The following FRY variants were observed in gnomAD, a reference collection of about 807,000 sequenced individuals.
The protein encoded by FRY is protein furry homolog.
In FRY, 128 loss-of-function variants were observed where a neutral mutation model predicts 348.4. The observed-to-expected ratio is 0.37, with a 90% confidence interval of 0.32 to 0.43. FRY has a LOEUF of 0.43. Among genes scored for constraint, FRY ranks in the 20% least tolerant of loss-of-function variants. The pLI is 1.00. For missense variants in FRY, 2,736 were observed against 3,695.2 expected (o/e 0.74, Z 6.73); for synonymous variants, 1,370 against 1,374.7 (o/e 1.00, Z 0.08).
chr13:32,280,706 A>G lies in FRY; in HGVS notation c.8469+2158A>G, dbSNP rs1363769461. Reference sequence around the variant, plus strand: ...CATCAAATTCTGTTATATTCTCTGTAACAGAACTTCAGACAGGAAAGCACA... The same window carrying G: ...CATCAAATTCTGTTATATTCTCTGTGACAGAACTTCAGACAGGAAAGCACA... On this transcript the variant is annotated intron_variant, in intron 58 of 60. Transcript: ENST00000542859. Among the ~76,000 whole-genome samples the G allele has an allele frequency of 2.0e-5, 3 of 152,268 alleles. No homozygotes were observed. In the East Asian group the frequency reaches 5.8e-4, roughly 29 times the overall value.
chr13:32,260,028 G>T (rs963396217), intron 51 of FRY, among the ~76,000 whole-genome samples: 1 of 152,124 alleles, frequency 6.6e-6, no homozygotes, highest in African/African-American at 2.4e-5. Flanking sequence ...TTGTGCTTAG[G>T]ATTTGTGCCT....
rs1885508515 is a variant in FRY at position 32,225,032 on chromosome 13, C to T, written c.5016C>T (p.Phe1672=). The change falls in exon 38 of 61, where the codon TTC becomes TTT. Residue 1672 remains phenylalanine, a synonymous_variant. Transcript: ENST00000542859. ...TACCATTATTACTTCATGCTGTCTT[C>T]TTAGGTAAGACTGGATCTAAAAGGC... ...LHLPLLLHAV[F]LGLDHYRPEV... The T allele has an allele frequency of 1.3e-5, 21 of 1,568,094 alleles. No individual in the cohort carries two copies. Among genetic ancestry groups the T allele is most frequent in the Non-Finnish European group, 1.8e-5 (21 of 1,137,912 alleles).
intron 26 of FRY, 111 bp downstream of exon 26, chr13:32,185,259 G>T (rs952920673): frequency 5.5e-6 from 5 of 904,766 alleles, no homozygotes; most frequent in Admixed American, 5.4e-5. Flanking sequence ...GGTCTGGGAT[G>T]GTGAAGTTTA....
rs759311059 is a variant in FRY at position 32,175,581 on chromosome 13, G to A, written c.2370G>A (p.Gln790=). ...DDRPMIDVMD[Q]LSSSILESFI... is the part of the protein sequence containing the mutation. ...GGCCGATGATTGATGTCATGGATCA[G>A]CTAAGTTCTTCCATTCTAGAAAGTT... Residue 790 remains glutamine, a synonymous_variant, in exon 20 of 61, where the codon CAG becomes CAA. Transcript: ENST00000542859. 2 of 1,612,318 alleles carry A rather than the reference G, an allele frequency of 1.2e-6. No individual in the cohort carries two copies. Among genetic ancestry groups the A allele is most frequent in the Admixed American group, 3.3e-5 (2 of 60,014 alleles).
intron 56 of FRY, chr13:32,275,218 A>C: frequency 3.2e-6 from 1 of 312,678 alleles, no homozygotes; most frequent in Non-Finnish European, 6.2e-6. Flanking sequence ...ATCTATTAAA[A>C]ATACAAAAAA....
intron 41 of FRY, among the ~76,000 whole-genome samples, chr13:32,233,953 A>G (rs973293711): frequency 6.6e-6 from 1 of 152,118 alleles, no homozygotes. Context: ...TTTTTCTACT[A>G]CACTATACCT....
rs757036760 is a variant in FRY, at chr13:32,239,377, A to G, written c.6516+28A>G. On this transcript the variant is annotated intron_variant, in intron 45 of 60. Transcript: ENST00000542859. The surrounding 1 kb of genome is among the most constrained non-coding windows in gnomAD (Gnocchi z 4.3). ...ATGAGTTACAGTTCCACACTCAGGC[A>G]GATCCATAGAGGCCTTCAGGACGCC... The G allele has an allele frequency of 1.5e-6, 2 of 1,316,218 alleles. No individual in the cohort carries two copies. Among genetic ancestry groups the G allele is most frequent in the Non-Finnish European group, 2.2e-6 (2 of 907,908 alleles). The allele number at this position is 1,316,218 out of a possible 1,614,324, so 81.5% of individuals were successfully genotyped here.
At position 32,237,133 on chromosome 13, in the gene FRY, A is replaced by G. The variant is rs1000502726; in HGVS notation, c.5811-246A>G. ...ATAAATGAAATATCAGTAAACTTTA[A>G]GGCCAATTATTGATTCCTCTACATT... On this transcript the variant is annotated intron_variant, in intron 43 of 60. Transcript: ENST00000542859. The surrounding 1 kb of genome is among the most constrained non-coding windows in gnomAD (Gnocchi z 6.3). Among the ~76,000 whole-genome samples the G allele has an allele frequency of 9.8e-5, 15 of 152,310 alleles. No homozygotes were observed. The highest frequency in any genetic ancestry group is 3.6e-4 in the African/African-American group (15 of 41,572).
intron 35 of FRY, among the ~76,000 whole-genome samples, chr13:32,213,433 C>T (rs886623648): frequency 2.0e-5 from 3 of 152,184 alleles, no homozygotes; most frequent in Admixed American, 2.0e-4. Context: ...GACTAAAAGC[C>T]CAAACCCAGC....
intron 3 of FRY, among the ~76,000 whole-genome samples, chr13:32,105,025 G>A (rs1877445033): frequency 6.6e-6 from 1 of 152,156 alleles, no homozygotes; most frequent in South Asian, 2.1e-4. Flanking sequence ...CTAATATAAA[G>A]CCATAGAGAA....
chr13:32,245,051 G>A (rs893544246), intron 47 of FRY, among the ~76,000 whole-genome samples: 1 of 152,110 alleles, frequency 6.6e-6, no homozygotes, highest in African/African-American at 2.4e-5. Context: ...CCGGGTTCAA[G>A]CGATCCTTCT....
intron 58 of FRY, among the ~76,000 whole-genome samples, chr13:32,282,503 C>T (rs1366224351): frequency 6.6e-6 from 1 of 152,202 alleles, no homozygotes; most frequent in African/African-American, 2.4e-5. Context: ...AGATATCAGT[C>T]TGTCAGAGAT....
chr13:32,225,956 C>T lies in FRY; in HGVS notation c.5188C>T (p.Pro1730Ser), dbSNP rs199741828. Residue 1730 changes from proline to serine, a missense_variant, in exon 39 of 61, where the codon CCT becomes TCT. By Grantham distance (74) the Pro-to-Ser change is moderately conservative (BLOSUM62 -1). Transcript: ENST00000542859. ...TCTAACCGTGCAGCCAGCCTACCAA[C>T]CTGAATATCTCTATACAGGTAACAG... ...KTLTVQPAYQ[P>S]EYLYTGGFDF... The T allele has an allele frequency of 2.0e-5, 33 of 1,613,928 alleles. No individual in the cohort carries two copies. The Admixed American group carries it at 5.2e-4, about 25-fold the overall frequency.
rs1386155854 is a variant in FRY, at chr13:32,134,846, AT to A, written c.886-56del. On this transcript the variant is annotated intron_variant, in intron 8 of 60. Coordinates refer to ENST00000542859, the MANE Select transcript of FRY (RefSeq NM_023037.3). The stretch of plus-strand genomic sequence containing the variant: ...TACTTACTGAAACTTGTTTAAATAC[AT>A]TCTATGTGTACATTTCAACCTACTC... The A allele has an allele frequency of 3.9e-6, 4 of 1,015,296 alleles. No individual in the cohort carries two copies. The African/African-American group carries it at 6.3e-5, about 16-fold the overall frequency. 62.9% of individuals were successfully genotyped at this position (1,015,296 alleles called of 1,614,324 possible).
chr13:32,190,181 A>C (rs1883257507), intron 28 of FRY, among the ~76,000 whole-genome samples: 1 of 151,844 alleles, frequency 6.6e-6, no homozygotes, highest in Admixed American at 6.6e-5. Flanking sequence ...AAAAAAAAAC[A>C]CCCTATGAGC....
At chr13:32,116,703 C>G (rs1878323317) in intron 3 of FRY, among the ~76,000 whole-genome samples, 3 of 152,034 alleles carry the variant, frequency 2.0e-5, no homozygotes, top group African/African-American at 7.2e-5. Flanking sequence ...AATCAGGACT[C>G]TTTCCAGATA....
chr13:32,204,371 A>G (rs1177540877), intron 31 of FRY, among the ~76,000 whole-genome samples: 2 of 152,242 alleles, frequency 1.3e-5, no homozygotes, highest in African/African-American at 4.8e-5. Context: ...GCTCGAGACC[A>G]TATAGCTAGG....
rs564766828 is a variant in FRY, at chr13:32,274,489, C to T, written c.8137-353C>T. On this transcript the variant is annotated intron_variant, in intron 55 of 60. Coordinates refer to ENST00000542859, the MANE Select transcript of FRY (RefSeq NM_023037.3). Reference sequence around the variant, plus strand: ...TTGGGAGGCCGAGGCGGGCGGATCACAAGGTCAGATCGAGACCATCCTGGC... The same window carrying T: ...TTGGGAGGCCGAGGCGGGCGGATCATAAGGTCAGATCGAGACCATCCTGGC... 6.0e-5 allele frequency among the ~76,000 whole-genome samples: 9 copies of T among 149,462 alleles called. No homozygotes were observed. The East Asian group carries it at 7.8e-4, about 13-fold the overall frequency.
chr13:32,253,655 G>A (rs547891940), intron 50 of FRY, among the ~76,000 whole-genome samples: 80 of 152,172 alleles, frequency 5.3e-4, no homozygotes, highest in African/African-American at 1.9e-3. Context: ...TACAGGAGAG[G>A]AATTTAAGTA....
Sources: gnomAD v4.1 joint callset for allele counts (sites outside exome capture counted in the v4.1 genomes callset) on GRCh38, gnomAD v4.1.1 for gene constraint, Gnocchi (gnomAD v3.1) non-coding constraint, MANE v1.5 for transcripts, NCBI Gene and HGNC (gene_info 2026-07-23, HGNC 2026-07-21) for gene names.